CACNA1E: variants seen among roughly 807,000 people sequenced by gnomAD.
CACNA1E encodes the protein voltage-dependent R-type calcium channel subunit alpha-1E.
Under a neutral mutation model 259.2 loss-of-function variants are expected in CACNA1E, and 40 were observed. That is an observed-to-expected ratio of 0.15 (90% CI 0.12 to 0.20). The LOEUF is 0.20. Ranked by LOEUF, CACNA1E falls within the 10% of genes least tolerant of loss-of-function variation. The probability of loss-of-function intolerance (pLI) is 1.00; values close to 1 mark genes in which losing one functional copy is unlikely to be tolerated. For synonymous variants in CACNA1E, 1,104 were observed against 1,138.5 expected (o/e 0.97, Z 0.61); for missense variants, 1,874 against 3,040.1 (o/e 0.62, Z 9.02).
chr1:181,634,088 T>C (rs1238755278), intron 6 of CACNA1E, among the ~76,000 whole-genome samples: 2 of 152,176 alleles, frequency 1.3e-5, no homozygotes, highest in African/African-American at 4.8e-5. Context: ...ATGCCCTTTG[T>C]TGTGGGTCAG....
intron 7 of CACNA1E, among the ~76,000 whole-genome samples, chr1:181,680,352 T>A (rs1329806706): frequency 6.6e-6 from 1 of 152,114 alleles, no homozygotes; most frequent in African/African-American, 2.4e-5. Context: ...TGACGTGCTA[T>A]GATGCATGAG....
intron 6 of CACNA1E, among the ~76,000 whole-genome samples, chr1:181,607,975 A>G (rs2103095815): frequency 6.6e-6 from 1 of 152,274 alleles, no homozygotes; most frequent in East Asian, 1.9e-4. Flanking sequence ...CTATTGTGGG[A>G]TGTCATTTCT....
Position 181,732,357 on chromosome 1 carries a change from C to T in CACNA1E, c.2298-27C>T, listed in dbSNP as rs1329811648. The T allele has an allele frequency of 2.2e-5, 32 of 1,482,358 alleles. No homozygotes were observed. The highest frequency in any genetic ancestry group is 1.8e-4 in the Middle Eastern group (1 of 5,596). The allele number at this position is 1,482,358 out of a possible 1,614,324, so 91.8% of individuals were successfully genotyped here. On this transcript the variant is annotated intron_variant, in intron 19 of 47. Transcript: ENST00000367573. The surrounding 1 kb of genome is among the most constrained non-coding windows in gnomAD (Gnocchi z 5.5). ...CTGCCTGCAGCTTCTGGGCTCTGAC[C>T]GCGGCCCTGCCCTTTCCCCTTGGCA...
At chr1:181,617,537 T>C (rs1468679146) in intron 6 of CACNA1E, among the ~76,000 whole-genome samples, 1 of 152,208 alleles carries the variant, frequency 6.6e-6, no homozygotes, top group East Asian at 1.9e-4. Context: ...TATCTGACGA[T>C]GATTTAGCCA....
chr1:181,394,020 G>A (rs1393188289), intron 1 of CACNA1E, among the ~76,000 whole-genome samples: 1 of 152,168 alleles, frequency 6.6e-6, no homozygotes, highest in Non-Finnish European at 1.5e-5. Flanking sequence ...CTAGTCTCTA[G>A]ACAGGGCCTG....
chr1:181,492,288 A>G (rs902440973), intron 1 of CACNA1E, among the ~76,000 whole-genome samples: 2 of 152,226 alleles, frequency 1.3e-5, no homozygotes, highest in Non-Finnish European at 2.9e-5. Flanking sequence ...AAGAGCATTC[A>G]TTGTATTATA....
chr1:181,519,170 A>G (rs1173888820), intron 3 of CACNA1E, among the ~76,000 whole-genome samples: 1 of 152,248 alleles, frequency 6.6e-6, no homozygotes, highest in Non-Finnish European at 1.5e-5. Flanking sequence ...TGGATATGGC[A>G]TAAATGCGAA....
intron 1 of CACNA1E, among the ~76,000 whole-genome samples, chr1:181,343,073 TGTGGTTG>T (rs964778504): frequency 3.3e-5 from 5 of 151,896 alleles, no homozygotes; most frequent in Admixed American, 6.6e-5. Flanking sequence ...ACAGATTGGC[TGTGGTTG>T]GTGGTGGTGA....
At chr1:181,644,318 C>A (rs1658068373) in intron 6 of CACNA1E, among the ~76,000 whole-genome samples, 1 of 152,174 alleles carries the variant, frequency 6.6e-6, no homozygotes, top group Non-Finnish European at 1.5e-5. Context: ...TGCTTGGATC[C>A]TCAGGGAAGT....
chr1:181,546,060 C>T (rs550209721), intron 3 of CACNA1E, among the ~76,000 whole-genome samples: 41 of 152,042 alleles, frequency 2.7e-4, no homozygotes, highest in African/African-American at 4.6e-4. Context: ...ACAGACACGC[C>T]GTGGGGAAGC....
At chr1:181,403,782 G>A (rs141430022) in intron 1 of CACNA1E, among the ~76,000 whole-genome samples, 6 of 152,176 alleles carry the variant, frequency 3.9e-5, no homozygotes, top group Non-Finnish European at 7.3e-5. Flanking sequence ...AGCTGTATTG[G>A]CTCATATTGC....
intron 6 of CACNA1E, among the ~76,000 whole-genome samples, chr1:181,644,467 G>A (rs1572472872): frequency 1.3e-5 from 2 of 152,296 alleles, no homozygotes; most frequent in Non-Finnish European, 1.5e-5. Flanking sequence ...ATTGCCCAGT[G>A]ATGTGTGGGG....
At chr1:181,490,414 G>A (rs958816112) in intron 1 of CACNA1E, among the ~76,000 whole-genome samples, 1 of 151,536 alleles carries the variant, frequency 6.6e-6, no homozygotes, top group African/African-American at 2.4e-5. Context: ...AGACCCATTT[G>A]TAAAGCAGTA....
chr1:181,745,445 C>G, intron 25 of CACNA1E: 1 of 419,910 alleles, frequency 2.4e-6, no homozygotes, highest in Non-Finnish European at 4.6e-6. Context: ...GGGAACACTG[C>G]CCCATCCACA....
chr1:181,453,155 C>G (rs77656853), intron 2 of CACNA1E, among the ~76,000 whole-genome samples: 3,601 of 152,260 alleles, frequency 0.024, 137 homozygotes, highest in African/African-American at 0.082. Flanking sequence ...CATTAAGTTA[C>G]TTTTTTTAAA....
At chr1:181,331,822 A>G (rs1298227769) in intron 1 of CACNA1E, among the ~76,000 whole-genome samples, 2 of 152,184 alleles carry the variant, frequency 1.3e-5, no homozygotes, top group East Asian at 1.9e-4. Context: ...TCCTAGCACT[A>G]TTTATTAAAT....
intron 7 of CACNA1E, among the ~76,000 whole-genome samples, chr1:181,698,030 G>A (rs912813859): frequency 3.3e-5 from 5 of 152,190 alleles, no homozygotes; most frequent in Non-Finnish European, 4.4e-5. Context: ...CTGCTTTGAA[G>A]GAAATCTTCA....
intron 6 of CACNA1E, among the ~76,000 whole-genome samples, chr1:181,586,310 G>A (rs1197529305): frequency 6.6e-6 from 1 of 152,074 alleles, no homozygotes; most frequent in African/African-American, 2.4e-5. Flanking sequence ...TAGGGAAGGG[G>A]GTGAATAAAT....
intron 43 of CACNA1E, 77 bp downstream of exon 43, chr1:181,785,896 A>G: frequency 2.3e-6 from 2 of 884,350 alleles, no homozygotes; most frequent in Non-Finnish European, 3.6e-6. Flanking sequence ...CCCAAAACTC[A>G]CTGCTCAGAA....
Sources: allele counts gnomAD v4.1 joint callset (sites outside exome capture counted in the v4.1 genomes callset), GRCh38; gene constraint gnomAD v4.1.1; non-coding constraint Gnocchi (gnomAD v3.1); transcripts MANE v1.5; gene names NCBI Gene and HGNC (gene_info 2026-07-23, HGNC 2026-07-21).